The following MINDY4B variants were observed in gnomAD, a reference collection of about 807,000 sequenced individuals.
MINDY4B encodes the protein MINDY family member 4B.
MINDY4B carries 25 observed loss-of-function variants against 16.7 expected under a neutral mutation model. That is an observed-to-expected ratio of 1.49 (90% CI 1.09 to 2.09). The LOEUF is 2.09. MINDY4B is among the 30% of genes most tolerant of loss of function. MINDY4B has a pLI of 0.00. For synonymous variants in MINDY4B, 132 were observed against 61.9 expected (o/e 2.13, Z -5.32); for missense variants, 327 against 168.4 (o/e 1.94, Z -5.21).
At chr3:150,874,228 CT>C (rs1717038674) in intron 10 of MINDY4B, among the ~76,000 whole-genome samples, 1 of 152,056 alleles carries the variant, frequency 6.6e-6, no homozygotes, top group Admixed American at 6.5e-5. Flanking sequence ...GTGGCCCAGG[CT>C]GGTCTCAAAC....
At chr3:150,885,255 A>G (rs900897159) in intron 8 of MINDY4B, 113 bp downstream of exon 8, 20 of 629,868 alleles carry the variant, frequency 3.2e-5, no homozygotes, top group Middle Eastern at 2.5e-4. Context: ...AATCTACTAG[A>G]AAAAAACATT....
chr3:150,902,026 A>G (rs926460224), intron 3 of MINDY4B, among the ~76,000 whole-genome samples: 2 of 152,130 alleles, frequency 1.3e-5, no homozygotes, highest in African/African-American at 4.8e-5. Flanking sequence ...AGCTGGAAAT[A>G]CCGCAGTCAG....
chr3:150,897,321 CTGTGTGTGTGTGTGTGTGTGTGTGTGTG>C (rs3062408), intron 3 of MINDY4B, among the ~76,000 whole-genome samples: 3 of 130,500 alleles, frequency 2.3e-5, no homozygotes, highest in Non-Finnish European at 4.9e-5. Flanking sequence ...GTGACTGGAA[CTGTGTGTGTGTGTGTGTGTGTGTGTGTG>C]TGTGTGTGTG....
At chr3:150,892,807 T>C (rs1711850302) in intron 5 of MINDY4B, among the ~76,000 whole-genome samples, 1 of 147,542 alleles carries the variant, frequency 6.8e-6, no homozygotes, top group South Asian at 2.1e-4. Context: ...ATACAAAAAA[T>C]TAGCCGGGTG....
At chr3:150,877,436 G>C (rs752630684) in intron 10 of MINDY4B, among the ~76,000 whole-genome samples, 4 of 152,156 alleles carry the variant, frequency 2.6e-5, no homozygotes, top group Non-Finnish European at 4.4e-5. Context: ...GTCATACTTA[G>C]AGCACTGTCC....
intron 10 of MINDY4B, among the ~76,000 whole-genome samples, chr3:150,874,091 C>T (rs1170108909): frequency 7.1e-6 from 1 of 141,630 alleles, no homozygotes; most frequent in East Asian, 2.3e-4. Flanking sequence ...TCTCGGCTCA[C>T]TGCAGCCTTG....
At chr3:150,903,821 T>A (rs559859191) in intron 2 of MINDY4B, among the ~76,000 whole-genome samples, 2 of 152,306 alleles carry the variant, frequency 1.3e-5, no homozygotes, top group East Asian at 3.9e-4. Context: ...ATAAATGAAG[T>A]CAGATTATCT....
At chr3:150,879,518 A>G (rs937272293) in intron 10 of MINDY4B, among the ~76,000 whole-genome samples, 1 of 152,188 alleles carries the variant, frequency 6.6e-6, no homozygotes, top group African/African-American at 2.4e-5. Context: ...AGAATCATCT[A>G]TGGGCTTTAA....
At chr3:150,891,200 G>A (rs1434769886) in intron 5 of MINDY4B, 97 bp from the exon 6 acceptor site, 2 of 638,232 alleles carry the variant, frequency 3.1e-6, no homozygotes, top group Non-Finnish European at 5.7e-6. Context: ...GACCTTCAAA[G>A]TCAGAGAGCA....
intron 10 of MINDY4B, among the ~76,000 whole-genome samples, chr3:150,881,214 T>C (rs773295155): frequency 6.6e-6 from 1 of 152,034 alleles, no homozygotes; most frequent in Non-Finnish European, 1.5e-5. Flanking sequence ...GAAAATCCTA[T>C]CTCTACTAAA....
chr3:150,904,754 T>A (rs763768137), intron 2 of MINDY4B, among the ~76,000 whole-genome samples: 3 of 152,270 alleles, frequency 2.0e-5, no homozygotes, highest in Non-Finnish European at 4.4e-5. Context: ...AAGCACTTGG[T>A]TGTCAGAATC....
At chr3:150,882,230 T>A (rs1292952703) in intron 10 of MINDY4B, among the ~76,000 whole-genome samples, 4 of 152,180 alleles carry the variant, frequency 2.6e-5, no homozygotes, top group Non-Finnish European at 5.9e-5. Context: ...ATGGGTATAT[T>A]TGCTTTGTCA....
intron 4 of MINDY4B, 114 bp from the exon 5 acceptor site, chr3:150,893,529 C>T: frequency 1.5e-6 from 1 of 678,090 alleles, no homozygotes; most frequent in Admixed American, 2.1e-5. Context: ...GAAGGGACAC[C>T]ATGCTATATT....
intron 10 of MINDY4B, among the ~76,000 whole-genome samples, chr3:150,882,405 G>C (rs1483022597): frequency 6.6e-6 from 1 of 151,448 alleles, no homozygotes; most frequent in Non-Finnish European, 1.5e-5. Context: ...TTTTCCAGTG[G>C]TTTTTTTTAA....
chr3:150,897,823 G>A (rs1712017242), intron 3 of MINDY4B, among the ~76,000 whole-genome samples: 1 of 152,218 alleles, frequency 6.6e-6, no homozygotes, highest in Non-Finnish European at 1.5e-5. Context: ...CAGGCACAGA[G>A]GCTGCTCTGG....
chr3:150,882,265 A>G (rs1409354903), intron 10 of MINDY4B, among the ~76,000 whole-genome samples: 1 of 152,134 alleles, frequency 6.6e-6, no homozygotes, highest in Non-Finnish European at 1.5e-5. Context: ...GTTTTCGCAG[A>G]ATCACATCTT....
chr3:150,884,236 T>G (rs1454330317), intron 8 of MINDY4B, among the ~76,000 whole-genome samples: 1 of 152,208 alleles, frequency 6.6e-6, no homozygotes, highest in Non-Finnish European at 1.5e-5. Flanking sequence ...CACTGTTATG[T>G]CAGGGGCCAT....
chr3:150,884,235 G>A (rs1711570453), intron 8 of MINDY4B, among the ~76,000 whole-genome samples: 1 of 152,216 alleles, frequency 6.6e-6, no homozygotes, highest in South Asian at 2.1e-4. Context: ...CCACTGTTAT[G>A]TCAGGGGCCA....
intron 10 of MINDY4B, among the ~76,000 whole-genome samples, chr3:150,878,945 G>A (rs1263949802): frequency 1.3e-5 from 2 of 152,194 alleles, no homozygotes; most frequent in East Asian, 3.8e-4. Flanking sequence ...AAACAGCAGT[G>A]CTGGATCCCT....
Sources: allele counts gnomAD v4.1 joint callset (sites outside exome capture counted in the v4.1 genomes callset), GRCh38; gene constraint gnomAD v4.1.1; transcripts MANE v1.5; gene names NCBI Gene and HGNC (gene_info 2026-07-23, HGNC 2026-07-21).